Variants in AKR1C4 observed in about 807,000 individuals in gnomAD.
AKR1C4 encodes the protein aldo-keto reductase family 1 member C4, also known as 3-alpha-HSD1.
AKR1C4 carries 44 observed loss-of-function variants against 41.0 expected under a neutral mutation model. The observed-to-expected ratio is 1.07, with a 90% CI of 0.84 to 1.38. The LOEUF (loss-of-function observed/expected upper bound fraction) is 1.38, where lower values mean the gene tolerates loss of function less well. Among genes scored for constraint, AKR1C4 ranks in the 40% most tolerant of loss-of-function variants. The probability of loss-of-function intolerance (pLI) is 0.00; values close to 1 mark genes in which losing one functional copy is unlikely to be tolerated. For synonymous variants in AKR1C4, 165 were observed against 137.7 expected (o/e 1.20, Z -1.39); for missense variants, 438 against 387.9 (o/e 1.13, Z -1.09).
chr10:5,203,477 G>A (rs879999850), intron 2 of AKR1C4, among the ~76,000 whole-genome samples: 1 of 152,108 alleles, frequency 6.6e-6, no homozygotes, highest in East Asian at 1.9e-4. Flanking sequence ...TTTGGGCCTG[G>A]GTAGGGTTAA....
chr10:5,210,211 T>C (rs1477491381), intron 5 of AKR1C4, among the ~76,000 whole-genome samples: 2 of 152,198 alleles, frequency 1.3e-5, no homozygotes, highest in African/African-American at 4.8e-5. Flanking sequence ...ATGTTTCACA[T>C]CCAGGAGTCA....
chr10:5,197,046 C>T lies in AKR1C4; in HGVS notation c.84+95C>T, dbSNP rs561778747. 4 of 1,198,528 alleles carry T rather than the reference C, an allele frequency of 3.3e-6. No homozygotes were observed. In the South Asian group the frequency reaches 4.9e-5, roughly 15 times the overall value. 74.2% of individuals were successfully genotyped at this position (1,198,528 alleles called of 1,614,324 possible). On this transcript the variant is annotated intron_variant, in intron 1 of 8. Transcript: ENST00000263126. The stretch of plus-strand genomic sequence containing the variant: ...TTGTTCAGCTTTGTGTTTCTGTTAC[C>T]CTGAGTGACTCACGTGGTCTGTCTT...
At position 5,206,283 on chromosome 10, in the gene AKR1C4, G is replaced by T. The variant is rs1554797475; in HGVS notation, c.456G>T (p.Glu152Asp). The stretch of plus-strand genomic sequence containing the variant: ...AACCCCTTTCTCCCCAGGTCATGGA[G>T]AAGTGTAAGGATGCAGGATTGGCCA... ...VDLSATWEVMEKCKDAGLAKS... is the reference protein window; with the variant it reads ...VDLSATWEVMDKCKDAGLAKS... The change falls in exon 5 of 9, where the codon GAG becomes GAT. Residue 152 changes from glutamate (E) to aspartate (D), a missense_variant. Transcript: ENST00000263126. The T allele has an allele frequency of 1.2e-6, 2 of 1,614,072 alleles. No homozygotes were observed. The highest frequency in any genetic ancestry group is 1.1e-5 in the South Asian group (1 of 91,078).
intron 5 of AKR1C4, chr10:5,207,765 A>G (rs1424995646): frequency 2.5e-6 from 1 of 397,442 alleles, no homozygotes; most frequent in Non-Finnish European, 4.9e-6. Context: ...TACCTTTTCT[A>G]TATATGTAGA....
chr10:5,213,939 A>G (rs578164372), intron 7 of AKR1C4, among the ~76,000 whole-genome samples: 1 of 152,236 alleles, frequency 6.6e-6, no homozygotes, highest in South Asian at 2.1e-4. Context: ...CTCTTAATGT[A>G]GTCAAATTCT....
chr10:5,213,618 A>G (rs1350776302), intron 7 of AKR1C4, among the ~76,000 whole-genome samples: 3 of 152,184 alleles, frequency 2.0e-5, no homozygotes, highest in South Asian at 2.1e-4. Context: ...GTAGAAGATC[A>G]TAATTATACT....
chr10:5,199,961 G>T (rs1832371758), intron 1 of AKR1C4, among the ~76,000 whole-genome samples: 1 of 152,184 alleles, frequency 6.6e-6, no homozygotes, highest in Non-Finnish European at 1.5e-5. Context: ...GCCCACTGGG[G>T]CTTCAGGAGC....
At chr10:5,213,936 T>C (rs1832614411) in intron 7 of AKR1C4, among the ~76,000 whole-genome samples, 1 of 152,174 alleles carries the variant, frequency 6.6e-6, no homozygotes, top group Non-Finnish European at 1.5e-5. Flanking sequence ...CTACTCTTAA[T>C]GTAGTCAAAT....
chr10:5,207,632 C>A, intron 5 of AKR1C4: 1 of 1,169,264 alleles, frequency 8.6e-7, no homozygotes, highest in Non-Finnish European at 1.2e-6. Context: ...AGCTCATCAA[C>A]TCCTTGGCAT....
intron 1 of AKR1C4, among the ~76,000 whole-genome samples, chr10:5,198,504 C>A (rs1166755916): frequency 6.6e-6 from 1 of 152,158 alleles, no homozygotes; most frequent in Non-Finnish European, 1.5e-5. Context: ...GTCAATTTAA[C>A]CAGCACCCAG....
chr10:5,210,611 T>A (rs1239810634), intron 5 of AKR1C4, among the ~76,000 whole-genome samples: 5 of 117,394 alleles, frequency 4.3e-5, no homozygotes, highest in African/African-American at 1.1e-4. Flanking sequence ...CCTCAATTTT[T>A]TTTTTTTTTT....
Position 5,218,820 on chromosome 10 carries a change from G to A in AKR1C4, c.*60G>A. The A allele has an allele frequency of 6.6e-7, 1 of 1,514,372 alleles. No homozygotes were observed. Among genetic ancestry groups the A allele is most frequent in the Non-Finnish European group, 9.2e-7 (1 of 1,091,230 alleles). The allele number at this position is 1,514,372 out of a possible 1,614,324, so 93.8% of individuals were successfully genotyped here. ...CCTGTGTGTGGATGGTGATGCAGAG[G>A]ATGTCTCTATGCTGGTGACTGGACA... On this transcript the variant is annotated 3_prime_UTR_variant, in exon 9 of 9. Transcript: ENST00000263126.
chr10:5,216,675 C>T, intron 7 of AKR1C4, 36 bp from the exon 8 acceptor site: 2 of 1,497,566 alleles, frequency 1.3e-6, no homozygotes, highest in Non-Finnish European at 1.8e-6. Flanking sequence ...GACAATTATG[C>T]AATCTAAGAA....
intron 1 of AKR1C4, 101 bp downstream of exon 1, chr10:5,197,052 T>C: frequency 8.8e-7 from 1 of 1,134,426 alleles, no homozygotes; most frequent in Non-Finnish European, 1.3e-6. Context: ...TTACCCTGAG[T>C]GACTCACGTG....
intron 1 of AKR1C4, among the ~76,000 whole-genome samples, chr10:5,199,023 A>G (rs1433281672): frequency 6.6e-6 from 1 of 152,136 alleles, no homozygotes; most frequent in Non-Finnish European, 1.5e-5. Flanking sequence ...TCTGTCTCAA[A>G]TAATAATAAC....
At chr10:5,210,750 T>C (rs1259358849) in intron 5 of AKR1C4, among the ~76,000 whole-genome samples, 4 of 152,128 alleles carry the variant, frequency 2.6e-5, no homozygotes, top group Non-Finnish European at 5.9e-5. Flanking sequence ...TAGCTGGGAT[T>C]ACAGGCACGT....
chr10:5,213,279 T>A, intron 7 of AKR1C4, 120 bp downstream of exon 7: 3 of 1,440,590 alleles, frequency 2.1e-6, no homozygotes, highest in East Asian at 4.8e-5. Context: ...TATGCACAAA[T>A]GCTTTGTGTG....
At chr10:5,198,550 C>G (rs983873834) in intron 1 of AKR1C4, among the ~76,000 whole-genome samples, 1 of 152,146 alleles carries the variant, frequency 6.6e-6, no homozygotes, top group Non-Finnish European at 1.5e-5. Context: ...AAATAGCATC[C>G]CTTGTAGTCA....
intron 7 of AKR1C4, among the ~76,000 whole-genome samples, chr10:5,216,116 G>A (rs971394605): frequency 3.3e-5 from 5 of 152,154 alleles, no homozygotes; most frequent in African/African-American, 1.2e-4. Flanking sequence ...GTGGTAGAAG[G>A]TGACAGAGGA....
Sources: gnomAD v4.1 joint callset for allele counts (sites outside exome capture counted in the v4.1 genomes callset) on GRCh38, gnomAD v4.1.1 for gene constraint, MANE v1.5 for transcripts, NCBI Gene and HGNC (gene_info 2026-07-23, HGNC 2026-07-21) for gene names.